The following DACH2 variants were observed in gnomAD, a reference collection of about 807,000 sequenced individuals.
The protein encoded by DACH2 is dachshund family transcription factor 2, also known as dachshund homolog 2.
Under a neutral mutation model 35.8 loss-of-function variants are expected in DACH2, and 17 were observed. The ratio of observed to expected loss-of-function variants is 0.48; its 90% CI spans 0.33 to 0.71. The LOEUF is 0.71. Ranked by LOEUF, DACH2 falls within the 30% of genes least tolerant of loss-of-function variation. The pLI, the probability that DACH2 is intolerant of heterozygous loss-of-function variation, is 0.02. For missense variants in DACH2, 469 were observed against 472.7 expected (o/e 0.99, Z 0.07); for synonymous variants, 195 against 177.3 (o/e 1.10, Z -0.79).
At chrX:86,380,398 G>C (rs1266087409) in intron 2 of DACH2, among the ~76,000 whole-genome samples, 1 of 110,349 alleles carries the variant, frequency 9.1e-6, no homozygotes, top group Non-Finnish European at 1.9e-5. Flanking sequence ...AGACTAATTA[G>C]AAAAACACCT....
At chrX:86,267,163 T>C (rs983931530) in intron 1 of DACH2, among the ~76,000 whole-genome samples, 6 of 112,000 alleles carry the variant, frequency 5.4e-5, no homozygotes, top group Non-Finnish European at 1.1e-4. Flanking sequence ...TGTACAGATG[T>C]ACACGTATGC....
chrX:86,816,198 T>G lies in DACH2; in HGVS notation c.1750+99T>G, dbSNP rs1282272593. On this transcript the variant is annotated intron_variant, in intron 11 of 11. Coordinates refer to ENST00000373125, the MANE Select transcript of DACH2 (RefSeq NM_053281.3). Reference sequence around the variant, plus strand: ...GGGATGAGCTTCTGTGATGATACTCTTCATATAAATAAAATAAATAAGTTT... The same window carrying G: ...GGGATGAGCTTCTGTGATGATACTCGTCATATAAATAAAATAAATAAGTTT... 3 of 435,171 alleles carry G rather than the reference T, an allele frequency of 6.9e-6. No individual in the cohort carries two copies. The Admixed American group carries it at 1.5e-4, about 22-fold the overall frequency. 35.9% of individuals were successfully genotyped at this position (435,171 alleles called of 1,213,427 possible).
intron 3 of DACH2, among the ~76,000 whole-genome samples, chrX:86,589,397 AT>A (rs1201645771): frequency 9.0e-6 from 1 of 110,946 alleles, no homozygotes; most frequent in African/African-American, 3.3e-5. Flanking sequence ...CATATTATTT[AT>A]TTTTTAGATA....
intron 3 of DACH2, among the ~76,000 whole-genome samples, chrX:86,649,920 A>G (rs1479315126): frequency 9.0e-6 from 1 of 110,980 alleles, no homozygotes; most frequent in Non-Finnish European, 1.9e-5. Flanking sequence ...ATTTTACTGA[A>G]TTCTGAAATA....
At chrX:86,747,659 C>T (rs2041727945) in intron 7 of DACH2, among the ~76,000 whole-genome samples, 1 of 111,771 alleles carries the variant, frequency 8.9e-6, no homozygotes, top group African/African-American at 3.2e-5. Context: ...TAAGCCTTCG[C>T]CGAGTCATAA....
chrX:86,759,651 T>G (rs781406000), intron 7 of DACH2, among the ~76,000 whole-genome samples: 2 of 110,997 alleles, frequency 1.8e-5, no homozygotes, highest in Admixed American at 9.6e-5. Flanking sequence ...TATTGATGTG[T>G]GAAGGCTTAT....
intron 4 of DACH2, among the ~76,000 whole-genome samples, chrX:86,655,791 A>T (rs1474882371): frequency 7.2e-5 from 8 of 111,643 alleles, no homozygotes; most frequent in African/African-American, 2.3e-4. Context: ...TAAAAGCAAC[A>T]AGAAGAACTG....
chrX:86,644,375 G>T (rs1018484845), intron 3 of DACH2, among the ~76,000 whole-genome samples: 5 of 111,127 alleles, frequency 4.5e-5, no homozygotes, highest in Non-Finnish European at 9.4e-5. Context: ...GGAGGTGGAA[G>T]ATCTCTGCAA....
intron 1 of DACH2, among the ~76,000 whole-genome samples, chrX:86,363,867 T>G (rs2035771339): frequency 9.0e-6 from 1 of 111,615 alleles, no homozygotes; most frequent in Non-Finnish European, 1.9e-5. Context: ...TTAACAGCCA[T>G]TTCTAATTTA....
chrX:86,415,226 A>G (rs749747372), intron 2 of DACH2, among the ~76,000 whole-genome samples: 19 of 112,175 alleles, frequency 1.7e-4, no homozygotes, highest in African/African-American at 6.1e-4. Context: ...CTGACAGTCT[A>G]GTAGCTGGGA....
chrX:86,340,901 T>A (rs2035401647), intron 1 of DACH2, among the ~76,000 whole-genome samples: 1 of 112,026 alleles, frequency 8.9e-6, no homozygotes. Flanking sequence ...CGGTCTTCAA[T>A]TCTGTGAATG....
Position 86,796,748 on chromosome X carries a change from T to C in DACH2, c.1241-16108T>C, listed in dbSNP as rs746337922. Among the ~76,000 whole-genome samples the C allele has an allele frequency of 5.4e-5, 6 of 112,103 alleles. No individual in the cohort carries two copies. In the East Asian group the frequency reaches 1.4e-3, roughly 26 times the overall value. On this transcript the variant is annotated intron_variant, in intron 7 of 11. Transcript: ENST00000373125. ...ACTAATCGTTGAATTTTGTAGGGCT[T>C]CATGTGAAGTATATCTTAAAAATAG...
intron 4 of DACH2, among the ~76,000 whole-genome samples, chrX:86,691,010 C>T: frequency 8.9e-6 from 1 of 112,066 alleles, no homozygotes; most frequent in East Asian, 2.8e-4. Flanking sequence ...TCTTTACATA[C>T]TTAGGACTGT....
chrX:86,354,842 AT>A lies in DACH2; in HGVS notation c.489-21981del, dbSNP rs1231360087. ...AATAAAAAAAATAAAATAAAAAAAA[AT>A]AAATGAAAAAAAAAAACAAAACAAA... is the stretch of plus-strand genomic sequence containing the variant. On this transcript the variant is annotated intron_variant, in intron 1 of 11. Coordinates refer to ENST00000373125, the MANE Select transcript of DACH2 (RefSeq NM_053281.3). Among the ~76,000 whole-genome samples the A allele has an allele frequency of 4.0e-5, 4 of 98,947 alleles. 1 individual carries two copies. Among genetic ancestry groups the A allele is most frequent in the Middle Eastern group, 4.6e-3 (1 of 217 alleles). The allele number at this position is 98,947 out of a possible 115,157, so 85.9% of individuals were successfully genotyped here. A position where few individuals can be genotyped will look rare whatever the true frequency, so the allele number is the denominator to read the frequency against.
In DACH2 at chrX:86,276,549, G is replaced by A. The variant is rs1481403102; in HGVS notation, c.489-100275G>A. Among the ~76,000 whole-genome samples, 6 of 109,602 alleles carry A rather than the reference G, an allele frequency of 5.5e-5. No homozygotes were observed. In the Admixed American group the frequency reaches 6.0e-4, roughly 11 times the overall value. ...TTTTTAACTGGCTGTGATCCCATTT[G>A]TTCATTTTTGCTTTGGTTGCCTGTG... is the stretch of plus-strand genomic sequence containing the variant. On this transcript the variant is annotated intron_variant, in intron 1 of 11. Transcript: ENST00000373125.
intron 4 of DACH2, among the ~76,000 whole-genome samples, chrX:86,691,330 T>A (rs1245872161): frequency 4.5e-5 from 5 of 111,538 alleles, no homozygotes; most frequent in Non-Finnish European, 9.4e-5. Context: ...GGTTATTAAG[T>A]GCATTTTAAA....
At chrX:86,711,308 C>A (rs1324975933) in intron 5 of DACH2, among the ~76,000 whole-genome samples, 1 of 109,805 alleles carries the variant, frequency 9.1e-6, no homozygotes, top group Admixed American at 9.6e-5. Context: ...GCCCGGGAGG[C>A]GGAGGTTGCG....
At chrX:86,665,954 G>A (rs983434742) in intron 4 of DACH2, among the ~76,000 whole-genome samples, 1 of 111,423 alleles carries the variant, frequency 9.0e-6, no homozygotes, top group Non-Finnish European at 1.9e-5. Context: ...TGTGGATTTT[G>A]TATTGCATAC....
intron 2 of DACH2, among the ~76,000 whole-genome samples, chrX:86,437,182 A>T (rs947283735): frequency 9.0e-6 from 1 of 110,981 alleles, no homozygotes; most frequent in South Asian, 3.8e-4. Context: ...CATATTTTAC[A>T]TATTTATGGG....
Sources: allele counts gnomAD v4.1 joint callset (sites outside exome capture counted in the v4.1 genomes callset), GRCh38; gene constraint gnomAD v4.1.1; transcripts MANE v1.5; gene names NCBI Gene and HGNC (gene_info 2026-07-23, HGNC 2026-07-21).